The following SLC7A11 variants were observed in gnomAD, a reference collection of about 807,000 sequenced individuals.
SLC7A11 encodes the protein solute carrier family 7 member 11, also known as cystine/glutamate transporter.
In SLC7A11, 35 loss-of-function variants were observed where a neutral mutation model predicts 54.5. That is an observed-to-expected ratio of 0.64 (90% CI 0.49 to 0.85). The LOEUF (loss-of-function observed/expected upper bound fraction) is 0.85, where lower values mean the gene tolerates loss of function less well. Among genes scored for constraint, SLC7A11 ranks in the 40% least tolerant of loss-of-function variants. SLC7A11 has a pLI of 0.00. For synonymous variants in SLC7A11, 230 were observed against 225.2 expected (o/e 1.02, Z -0.19); for missense variants, 583 against 618.1 (o/e 0.94, Z 0.60).
intron 6 of SLC7A11, among the ~76,000 whole-genome samples, chr4:138,200,685 G>A (rs751792944): frequency 2.6e-5 from 4 of 152,032 alleles, no homozygotes; most frequent in South Asian, 2.1e-4. Flanking sequence ...CTTCTATTTC[G>A]TTAGCTTCAC....
intron 6 of SLC7A11, among the ~76,000 whole-genome samples, chr4:138,210,856 T>C (rs1184922993): frequency 1.3e-5 from 2 of 152,004 alleles, no homozygotes; most frequent in African/African-American, 4.8e-5. Flanking sequence ...AAAGAACTTA[T>C]AGCAGAACTA....
intron 6 of SLC7A11, among the ~76,000 whole-genome samples, chr4:138,198,742 AATT>A (rs1380490950): frequency 2.0e-5 from 3 of 152,172 alleles, no homozygotes; most frequent in Non-Finnish European, 2.9e-5. Flanking sequence ...TATAATCCAG[AATT>A]ATTATTATTT....
intron 1 of SLC7A11, among the ~76,000 whole-genome samples, chr4:138,237,716 TATATATATATATATA>T (rs1738250973): frequency 2.7e-4 from 2 of 7,500 alleles, no homozygotes; most frequent in African/African-American, 4.1e-4. Context: ...TATATATATA[TATATATATATATATA>T]TATATATTTT....
In SLC7A11 at chr4:138,242,155, G is replaced by A. The variant is rs908965615; in HGVS notation, c.-86C>T. ...GTGTCTCTTGGTGTTACTGATCGAT[G>A]TCTTCCTCTGCTTTCAGACTGTCTC... is the stretch of plus-strand genomic sequence containing the variant. On this transcript the variant is annotated 5_prime_UTR_variant, in exon 1 of 12. Transcript: ENST00000280612. The A allele has an allele frequency of 1.4e-6, 2 of 1,423,132 alleles. No individual in the cohort carries two copies. The highest frequency in any genetic ancestry group is 1.3e-5 in the South Asian group (1 of 76,850). The allele number at this position is 1,423,132 out of a possible 1,614,324, so 88.2% of individuals were successfully genotyped here.
intron 6 of SLC7A11, among the ~76,000 whole-genome samples, chr4:138,202,170 G>T (rs989384505): frequency 2.5e-4 from 38 of 151,964 alleles, no homozygotes; most frequent in African/African-American, 9.2e-4. Context: ...TATCTTCTGT[G>T]GGCATATATA....
chr4:138,237,737 ATTTTTTTTTTTTTTTTTTTTTTT>A (rs1169641615), intron 1 of SLC7A11, among the ~76,000 whole-genome samples: 7 of 9,832 alleles, frequency 7.1e-4, no homozygotes, highest in African/African-American at 2.7e-3. Context: ...ATATATATAT[ATTTTTTTTTTTTTTTTTTTTTTT>A]TTTTTTTTGA....
At chr4:138,237,605 C>T (rs1241493326) in intron 1 of SLC7A11, among the ~76,000 whole-genome samples, 2 of 142,780 alleles carry the variant, frequency 1.4e-5, no homozygotes, top group Non-Finnish European at 3.0e-5. Context: ...ACCATGTTGG[C>T]CAAGCTGGTC....
Position 138,180,755 on chromosome 4 carries a change from G to A in SLC7A11, c.1152C>T (p.Asp384=), listed in dbSNP as rs1380576731. The part of the protein sequence containing the change: ...PLTMIMLFSG[D]LDSLLNFLSF... ...TGAGGAAATTCAAAAGACTGTCGAGGTCTCCAGAGAAGAGCATTATCATTG... is the reference window on the plus strand; with the variant it reads ...TGAGGAAATTCAAAAGACTGTCGAGATCTCCAGAGAAGAGCATTATCATTG... The change falls in exon 10 of 12, where the codon GAC becomes GAT. Residue 384 remains aspartate, a synonymous_variant. Transcript: ENST00000280612. 1.2e-6 allele frequency: 2 copies of A among 1,612,774 alleles called. No homozygotes were observed. The highest frequency in any genetic ancestry group is 2.7e-5 in the African/African-American group (2 of 74,850).
chr4:138,205,691 A>C (rs1398847665), intron 6 of SLC7A11, among the ~76,000 whole-genome samples: 1 of 152,030 alleles, frequency 6.6e-6, no homozygotes, highest in Non-Finnish European at 1.5e-5. Flanking sequence ...GGTCACAATC[A>C]CCTAACTTTC....
intron 6 of SLC7A11, among the ~76,000 whole-genome samples, chr4:138,197,895 T>G (rs1737178531): frequency 6.6e-6 from 1 of 151,092 alleles, no homozygotes; most frequent in South Asian, 2.1e-4. Context: ...TAAAAATACA[T>G]TAATTTTATT....
intron 11 of SLC7A11, chr4:138,177,251 C>T (rs1392691795): frequency 6.6e-6 from 1 of 151,642 alleles, no homozygotes; most frequent in Non-Finnish European, 1.5e-5. Flanking sequence ...AATAATTTAA[C>T]CAGAAATCTC....
In SLC7A11 at chr4:138,186,498, G is replaced by A. The variant is rs550245796; in HGVS notation, c.792-1254C>T. On this transcript the variant is annotated intron_variant, in intron 6 of 11. Coordinates refer to ENST00000280612, the MANE Select transcript of SLC7A11 (RefSeq NM_014331.4). Reference sequence around the variant, plus strand: ...ACTGTCATTCATTATGCTGCTTGGAGCCTGACACTTCCCCGGATTCCCAAA... The same window carrying A: ...ACTGTCATTCATTATGCTGCTTGGAACCTGACACTTCCCCGGATTCCCAAA... Among the ~76,000 whole-genome samples, 3 of 152,230 alleles carry A rather than the reference G, an allele frequency of 2.0e-5. No homozygotes were observed. In the South Asian group the frequency reaches 6.2e-4, roughly 32 times the overall value.
At chr4:138,236,482 A>G in intron 1 of SLC7A11, 31 bp from the exon 2 acceptor site, 2 of 1,582,150 alleles carry the variant, frequency 1.3e-6, no homozygotes, top group South Asian at 2.3e-5. Context: ...AATGGTACCA[A>G]TTTAATACAT....
At chr4:138,192,192 T>C (rs1327326099) in intron 6 of SLC7A11, among the ~76,000 whole-genome samples, 1 of 152,196 alleles carries the variant, frequency 6.6e-6, no homozygotes, top group Non-Finnish European at 1.5e-5. Context: ...GTATAAGTTA[T>C]TTATGAGAAG....
Position 138,179,348 on chromosome 4 carries a change from A to G in SLC7A11, c.1313T>C (p.Met438Thr). 1.2e-6 allele frequency: 2 copies of G among 1,612,604 alleles called. No individual in the cohort carries two copies. The highest frequency in any genetic ancestry group is 1.1e-5 in the South Asian group (1 of 91,028). The change falls in exon 11 of 12, where the codon ATG becomes ACG. Residue 438 changes from methionine (M) to threonine (T), a missense_variant. Coordinates refer to ENST00000280612, the MANE Select transcript of SLC7A11 (RefSeq NM_014331.4). Reference protein sequence around the residue: ...PALFSFTCLFMVALSLYSDPF... With the variant: ...PALFSFTCLFTVALSLYSDPF... ...GTCCGAATAGAGGGAAAGGGCAACCATGAAGAGGCATGTGAAGGAAAACAA... is the reference window on the plus strand; with the variant it reads ...GTCCGAATAGAGGGAAAGGGCAACCGTGAAGAGGCATGTGAAGGAAAACAA...
At chr4:138,199,412 A>T (rs1156385235) in intron 6 of SLC7A11, among the ~76,000 whole-genome samples, 1 of 152,184 alleles carries the variant, frequency 6.6e-6, no homozygotes, top group East Asian at 1.9e-4. Context: ...AATAAGGTAC[A>T]GAATACATAT....
intron 5 of SLC7A11, 61 bp downstream of exon 5, chr4:138,219,205 C>T: frequency 1.1e-6 from 1 of 922,752 alleles, no homozygotes; most frequent in Admixed American, 1.9e-5. Flanking sequence ...GGCACTTAAT[C>T]TGAGTGCATA....
chr4:138,191,426 A>G (rs938737056), intron 6 of SLC7A11, among the ~76,000 whole-genome samples: 7 of 152,148 alleles, frequency 4.6e-5, no homozygotes, highest in African/African-American at 1.4e-4. Flanking sequence ...CTGTAGGGAG[A>G]TGTAAGAAAT....
intron 4 of SLC7A11, among the ~76,000 whole-genome samples, chr4:138,221,671 C>T (rs1459033116): frequency 6.6e-6 from 1 of 152,106 alleles, no homozygotes; most frequent in Non-Finnish European, 1.5e-5. Context: ...ATATCATGAC[C>T]TCTGCTCTCA....
Sources: allele counts gnomAD v4.1 joint callset (sites outside exome capture counted in the v4.1 genomes callset), GRCh38; gene constraint gnomAD v4.1.1; transcripts MANE v1.5; gene names NCBI Gene and HGNC (gene_info 2026-07-23, HGNC 2026-07-21).